Variants in RASA2 observed in about 807,000 individuals in gnomAD.
RASA2 encodes RAS p21 protein activator 2.
RASA2 carries 155 observed loss-of-function variants against 118.2 expected under a neutral mutation model. The ratio of observed to expected loss-of-function variants is 1.31; its 90% CI spans 1.15 to 1.50. RASA2 has a LOEUF of 1.50. Among genes scored for constraint, RASA2 ranks in the 40% most tolerant of loss-of-function variants. RASA2 has a pLI of 0.00. For synonymous variants in RASA2, 353 were observed against 349.1 expected (o/e 1.01, Z -0.12); for missense variants, 1,016 against 1,009.6 (o/e 1.01, Z -0.09).
intron 4 of RASA2, 110 bp from the exon 5 acceptor site, chr3:141,540,423 A>G: frequency 1.3e-6 from 1 of 757,472 alleles, no homozygotes; most frequent in Non-Finnish European, 2.1e-6. Flanking sequence ...AGGCAAAGCC[A>G]TGTGCTAGTG....
In RASA2 at chr3:141,542,781, T is replaced by C. The variant is rs1003879716; in HGVS notation, c.527+2172T>C. ...CTCTCATCCCATAGCTTTATAGTCA[T>C]AACCACTCCTCTCTTCTAACCCTTG... On this transcript the variant is annotated intron_variant, in intron 5 of 23. Coordinates refer to ENST00000286364, the MANE Select transcript of RASA2 (RefSeq NM_006506.5). 3.3e-5 allele frequency among the ~76,000 whole-genome samples: 5 copies of C among 152,280 alleles called. No homozygotes were observed. In the East Asian group the frequency reaches 7.7e-4, roughly 23 times the overall value.
chr3:141,608,698 G>T lies in RASA2; in HGVS notation c.2225+1G>T. ...CTCTCGGCTGCAAGCCATGTACTGCGTAAGTTTCTTTCTGATTATAAAAGC... is the reference window on the plus strand; with the variant it reads ...CTCTCGGCTGCAAGCCATGTACTGCTTAAGTTTCTTTCTGATTATAAAAGC... On this transcript the variant is annotated splice_donor_variant, in intron 21 of 23. Coordinates refer to ENST00000286364, the MANE Select transcript of RASA2 (RefSeq NM_006506.5). LOFTEE classifies it high-confidence loss of function. 1.2e-6 allele frequency: 2 copies of T among 1,610,824 alleles called. No individual in the cohort carries two copies. The highest frequency in any genetic ancestry group is 1.7e-6 in the Non-Finnish European group (2 of 1,177,186).
chr3:141,498,629 T>C (rs769776861), intron 1 of RASA2, among the ~76,000 whole-genome samples: 1 of 152,144 alleles, frequency 6.6e-6, no homozygotes, highest in African/African-American at 2.4e-5. Context: ...TGTAACTTCT[T>C]TATGTGTCTA....
chr3:141,513,405 T>C (rs2151081906), intron 2 of RASA2, among the ~76,000 whole-genome samples: 1 of 152,302 alleles, frequency 6.6e-6, no homozygotes, highest in Non-Finnish European at 1.5e-5. Flanking sequence ...TCTCATATTG[T>C]TCTTATTTGG....
intron 1 of RASA2, among the ~76,000 whole-genome samples, chr3:141,493,614 T>C (rs914362005): frequency 6.6e-6 from 1 of 150,960 alleles, no homozygotes; most frequent in African/African-American, 2.5e-5. Flanking sequence ...ATTTAAAAGG[T>C]ATCAGTAGAA....
chr3:141,562,275 T>C (rs937934310), intron 9 of RASA2, among the ~76,000 whole-genome samples: 1 of 150,650 alleles, frequency 6.6e-6, no homozygotes, highest in African/African-American at 2.4e-5. Context: ...CGTATCTGTT[T>C]AATATTTGAA....
chr3:141,548,401 A>G (rs1368491351), intron 5 of RASA2, among the ~76,000 whole-genome samples: 2 of 151,848 alleles, frequency 1.3e-5, no homozygotes, highest in Non-Finnish European at 2.9e-5. Flanking sequence ...TCATGGTTCA[A>G]TCTTGGTAGG....
At chr3:141,611,119 T>C (rs1011608759) in intron 23 of RASA2, among the ~76,000 whole-genome samples, 2 of 152,172 alleles carry the variant, frequency 1.3e-5, no homozygotes, top group Non-Finnish European at 2.9e-5. Context: ...GAAGTCCCAA[T>C]TGAGGTGGCT....
chr3:141,561,377 T>G (rs1211218357), intron 9 of RASA2, among the ~76,000 whole-genome samples: 1 of 152,242 alleles, frequency 6.6e-6, no homozygotes, highest in Non-Finnish European at 1.5e-5. Context: ...GGCAAAACTT[T>G]GTGCAGCTTC....
At chr3:141,497,047 C>G (rs956475388) in intron 1 of RASA2, among the ~76,000 whole-genome samples, 1 of 151,790 alleles carries the variant, frequency 6.6e-6, no homozygotes, top group Non-Finnish European at 1.5e-5. Context: ...CCATCATTCT[C>G]AGCAAACTAT....
At position 141,553,427 on chromosome 3, in the gene RASA2, AT is replaced by A. The variant is rs35938493; in HGVS notation, c.528-420del. Among the ~76,000 whole-genome samples the A allele has an allele frequency of 1.3e-3, 200 of 149,966 alleles. 1 individual carries two copies. Among genetic ancestry groups the A allele is most frequent in the Middle Eastern group, 3.5e-3 (1 of 288 alleles). On this transcript the variant is annotated intron_variant, in intron 5 of 23. Transcript: ENST00000286364. ...AGACTGTTTTGAATTTCTTATTCTTATTTTTTTTTTGAGTATTTGCATTATA... is the reference window on the plus strand; with the variant it reads ...AGACTGTTTTGAATTTCTTATTCTTATTTTTTTTTGAGTATTTGCATTATA...
At position 141,520,454 on chromosome 3, in the gene RASA2, T is replaced by C. The variant is rs949497188; in HGVS notation, c.355+4023T>C. Among the ~76,000 whole-genome samples the C allele has an allele frequency of 2.7e-4, 41 of 152,170 alleles. 1 individual carries two copies. The highest frequency in any genetic ancestry group is 1.3e-4 in the Admixed American group (2 of 15,276). ...AACTGATGAACCCTAGAAACCATTC[T>C]TAATTCCAAAAGCTAAGGAACTTGG... is the stretch of plus-strand genomic sequence containing the variant. On this transcript the variant is annotated intron_variant, in intron 3 of 23. Coordinates refer to ENST00000286364, the MANE Select transcript of RASA2 (RefSeq NM_006506.5).
rs191121090 is a variant in RASA2 at position 141,555,723 on chromosome 3, C to G, written c.612-117C>G. 213 of 770,920 alleles carry G rather than the reference C, an allele frequency of 2.8e-4. No individual in the cohort carries two copies. The African/African-American group carries it at 3.3e-3, about 12-fold the overall frequency. The allele number at this position is 770,920 out of a possible 1,614,324, so 47.8% of individuals were successfully genotyped here. A position where few individuals can be genotyped will look rare whatever the true frequency, so the allele number is the denominator to read the frequency against. ...TTCCAAGCAATATTTAAAACTGAATCTTCCCTGAGTCACCTTAACTTTTAA... is the reference window on the plus strand; with the variant it reads ...TTCCAAGCAATATTTAAAACTGAATGTTCCCTGAGTCACCTTAACTTTTAA... On this transcript the variant is annotated intron_variant, in intron 6 of 23. Coordinates refer to ENST00000286364, the MANE Select transcript of RASA2 (RefSeq NM_006506.5).
chr3:141,571,551 C>G lies in RASA2; in HGVS notation c.1166C>G (p.Thr389Arg). ...GTGGCTGAATTAGACTTGAAGGATA[C>G]ACAGTAAGAGTTATATTTTATTAAA... ...TAVAELDLKDTQDANTIFRGN... is the reference protein window; with the variant it reads ...TAVAELDLKDRQDANTIFRGN... Residue 389 changes from threonine to arginine, a missense_variant, in exon 11 of 24, where the codon ACA becomes AGA. Transcript: ENST00000286364. 1 of 1,606,726 alleles carries G rather than the reference C, an allele frequency of 6.2e-7. No homozygotes were observed.
chr3:141,519,093 G>A (rs1391171502), intron 3 of RASA2, among the ~76,000 whole-genome samples: 4 of 152,246 alleles, frequency 2.6e-5, no homozygotes, highest in Non-Finnish European at 4.4e-5. Flanking sequence ...ATTCCTAGAA[G>A]TGAAAATACT....
At chr3:141,549,853 G>A (rs560526781) in intron 5 of RASA2, among the ~76,000 whole-genome samples, 3 of 152,068 alleles carry the variant, frequency 2.0e-5, no homozygotes, top group African/African-American at 4.8e-5. Context: ...AAAAAATAAT[G>A]GGGATATGTA....
chr3:141,549,600 A>G (rs2151110469), intron 5 of RASA2, among the ~76,000 whole-genome samples: 1 of 152,206 alleles, frequency 6.6e-6, no homozygotes, highest in Middle Eastern at 3.4e-3. Context: ...AACAGTAGCC[A>G]CTAGCCATGT....
chr3:141,571,312 T>G, intron 10 of RASA2, 94 bp from the exon 11 acceptor site: 1 of 1,477,564 alleles, frequency 6.8e-7, no homozygotes, highest in Non-Finnish European at 9.1e-7. Flanking sequence ...ACAGCTTTAG[T>G]GACATTATTT....
intron 3 of RASA2, among the ~76,000 whole-genome samples, chr3:141,519,157 C>G (rs2151086447): frequency 6.6e-6 from 1 of 152,118 alleles, no homozygotes; most frequent in African/African-American, 2.4e-5. Context: ...TCTGTATTGC[C>G]CCTCTGCCCC....
Sources: allele counts gnomAD v4.1 joint callset (sites outside exome capture counted in the v4.1 genomes callset), GRCh38; gene constraint gnomAD v4.1.1; transcripts MANE v1.5; gene names NCBI Gene and HGNC (gene_info 2026-07-23, HGNC 2026-07-21).